The following GAD1 variants were observed in gnomAD, a reference collection of about 807,000 sequenced individuals.
GAD1 encodes the protein 67 kDa glutamic acid decarboxylase.
In GAD1, 35 loss-of-function variants were observed where a neutral mutation model predicts 75.2. The observed-to-expected ratio is 0.47, with a 90% CI of 0.36 to 0.62. The LOEUF (loss-of-function observed/expected upper bound fraction) is 0.62, where lower values mean the gene tolerates loss of function less well. GAD1 is among the 20% of genes least tolerant of loss of function. The probability of loss-of-function intolerance (pLI) is 0.00; values close to 1 mark genes in which losing one functional copy is unlikely to be tolerated. For synonymous variants in GAD1, 257 were observed against 271.9 expected (o/e 0.95, Z 0.54); for missense variants, 490 against 758.5 (o/e 0.65, Z 4.16).
rs184289119 is a variant in GAD1, at chr2:170,833,154, T to C, written c.547+1962T>C. On this transcript the variant is annotated intron_variant, in intron 5 of 16. Transcript: ENST00000358196. Reference sequence around the variant, plus strand: ...CTCATTCTTCCTCGTCATTTGAAGATAGATTTAAGACTGAGACTAGGAGGC... The same window carrying C: ...CTCATTCTTCCTCGTCATTTGAAGACAGATTTAAGACTGAGACTAGGAGGC... Among the ~76,000 whole-genome samples the C allele has an allele frequency of 2.0e-3, 305 of 152,366 alleles. 1 individual carries two copies. The highest frequency in any genetic ancestry group is 3.6e-3 in the Non-Finnish European group (247 of 68,032).
chr2:170,829,231 CG>C (rs1446783050), intron 3 of GAD1: 1 of 546,436 alleles, frequency 1.8e-6, no homozygotes, highest in Non-Finnish European at 3.3e-6. Context: ...GAGAGGAGAA[CG>C]GGCTTCACTT....
chr2:170,852,478 A>G, intron 12 of GAD1: 1 of 564,496 alleles, frequency 1.8e-6, no homozygotes, highest in South Asian at 2.0e-5. Flanking sequence ...AAGACATATA[A>G]TAAGTTATTC....
At chr2:170,829,089 T>G (rs1206462342) in intron 3 of GAD1, 1 of 337,380 alleles carries the variant, frequency 3.0e-6, no homozygotes. Context: ...CTCCTTCTGC[T>G]TATACAGCCC....
chr2:170,818,416 G>A lies in GAD1; in HGVS notation c.-63-113G>A, dbSNP rs1701770762. On this transcript the variant is annotated intron_variant, in intron 1 of 16. Transcript: ENST00000358196. This position sits in a 1 kb window ranked among gnomAD's most constrained non-coding sequence, Gnocchi z 5.9. ...AGGCTCGCTGCCTTTCCTCCCTCTT[G>A]TCTCTCCAGAGCCGGATCTTCAAGG... The A allele has an allele frequency of 1.5e-6, 1 of 667,602 alleles. No individual in the cohort carries two copies. The highest frequency in any genetic ancestry group is 2.7e-6 in the Non-Finnish European group (1 of 367,084). The allele number at this position is 667,602 out of a possible 1,614,324, so 41.4% of individuals were successfully genotyped here.
chr2:170,843,832 GC>G, intron 6 of GAD1: 1 of 563,226 alleles, frequency 1.8e-6, no homozygotes, highest in Admixed American at 3.0e-5. Flanking sequence ...CACAGGGCTG[GC>G]ACTTCCACCA....
At chr2:170,828,619 GCCCTCCTCCCTCTGCTGTCCTCA>G (rs1242690364) in intron 3 of GAD1, among the ~76,000 whole-genome samples, 15,779 of 82,988 alleles carry the variant, frequency 0.19, 1,222 homozygotes, top group Non-Finnish European at 0.23. Context: ...TGTTGTCCTT[GCCCTCCTCCCTCTGCTGTCCTCA>G]CCCTCCTCCC....
chr2:170,815,836 G>A (rs914820863), upstream of GAD1, among the ~76,000 whole-genome samples: 1 of 152,260 alleles, frequency 6.6e-6, no homozygotes, highest in Non-Finnish European at 1.5e-5. Flanking sequence ...CTCCAGGTGT[G>A]GGCTCCGCTC....
At chr2:170,816,399 C>T (rs1380625836), upstream of GAD1, 1 of 152,228 alleles carries the variant, frequency 6.6e-6, no homozygotes. Context: ...CGACCCAAAG[C>T]GCGCTTTCGC....
chr2:170,839,703 G>A (rs1010923357), intron 6 of GAD1, among the ~76,000 whole-genome samples: 5 of 151,818 alleles, frequency 3.3e-5, no homozygotes, highest in African/African-American at 9.7e-5. Context: ...CAACGACCCA[G>A]TGAAGATCCA....
chr2:170,835,363 C>T (rs759214662), intron 5 of GAD1, among the ~76,000 whole-genome samples: 1 of 152,086 alleles, frequency 6.6e-6, no homozygotes, highest in African/African-American at 2.4e-5. Context: ...AAAAATAATT[C>T]TTTCCTTCTC....
intron 14 of GAD1, among the ~76,000 whole-genome samples, chr2:170,856,176 A>G (rs920033705): frequency 6.6e-6 from 1 of 152,212 alleles, no homozygotes; most frequent in Non-Finnish European, 1.5e-5. Context: ...AGCAATCCAC[A>G]GCCAGCCTTG....
chr2:170,819,687 T>G (rs1701812146), intron 2 of GAD1, among the ~76,000 whole-genome samples: 1 of 151,394 alleles, frequency 6.6e-6, no homozygotes, highest in Non-Finnish European at 1.5e-5. Flanking sequence ...GTGTTCCCAC[T>G]CCCCCATTTA....
chr2:170,838,841 T>C (rs1157222756), intron 6 of GAD1, among the ~76,000 whole-genome samples: 1 of 152,238 alleles, frequency 6.6e-6, no homozygotes, highest in Non-Finnish European at 1.5e-5. Flanking sequence ...AAATGACATG[T>C]AGTAATTGCA....
intron 4 of GAD1, 87 bp from the exon 5 acceptor site, chr2:170,830,863 A>G: frequency 1.9e-6 from 3 of 1,545,524 alleles, no homozygotes; most frequent in Non-Finnish European, 2.7e-6. Context: ...GCCTATACAG[A>G]TAGCATGGTT....
At chr2:170,849,615 G>A (rs548425784) in intron 12 of GAD1, among the ~76,000 whole-genome samples, 15 of 152,344 alleles carry the variant, frequency 9.8e-5, no homozygotes, top group African/African-American at 3.1e-4. Context: ...TTAGGAGGCC[G>A]AGGTGAGAGG....
intron 5 of GAD1, among the ~76,000 whole-genome samples, chr2:170,834,050 C>T (rs1363209806): frequency 1.3e-5 from 2 of 151,854 alleles, no homozygotes; most frequent in African/African-American, 4.8e-5. Context: ...TTTCATTAGT[C>T]CAGTGTATGA....
intron 3 of GAD1, among the ~76,000 whole-genome samples, chr2:170,822,895 G>A (rs1179037300): frequency 6.6e-6 from 1 of 152,234 alleles, no homozygotes; most frequent in Non-Finnish European, 1.5e-5. Flanking sequence ...AAAGAACCGG[G>A]AAGGAAGAAA....
At position 170,845,626 on chromosome 2, in the gene GAD1, G is replaced by A; in HGVS notation, c.867+5G>A. On this transcript the variant is annotated splice_donor_5th_base_variant and intron_variant, in intron 8 of 16. Coordinates refer to ENST00000358196, the MANE Select transcript of GAD1 (RefSeq NM_000817.3). ...GTCCTCTTCACCTCAGAACAGGTGAGTCGGGGATGCTTTCTCATGGATAGT... is the reference window on the plus strand; with the variant it reads ...GTCCTCTTCACCTCAGAACAGGTGAATCGGGGATGCTTTCTCATGGATAGT... The A allele has an allele frequency of 6.2e-7, 1 of 1,612,798 alleles. No individual in the cohort carries two copies. The highest frequency in any genetic ancestry group is 8.5e-7 in the Non-Finnish European group (1 of 1,178,772).
Position 170,846,020 on chromosome 2 carries a change from T to C in GAD1, c.959T>C (p.Ile320Thr), listed in dbSNP as rs771879401. The C allele has an allele frequency of 6.2e-7, 1 of 1,613,620 alleles. No homozygotes were observed. Among genetic ancestry groups the C allele is most frequent in the South Asian group, 1.1e-5 (1 of 91,062 alleles). Residue 320 changes from isoleucine (I) to threonine (T), a missense_variant, in exon 10 of 17, where the codon ATT becomes ACT. Coordinates refer to ENST00000358196, the MANE Select transcript of GAD1 (RefSeq NM_000817.3). Reference protein sequence around the residue: ...LIKCNERGKIIPADFEAKILE... With the variant: ...LIKCNERGKITPADFEAKILE... The stretch of plus-strand genomic sequence containing the variant: ...TCCAATAATTATAGGGGGAAAATAA[T>C]TCCAGCTGATTTTGAGGCAAAAATT...
Sources: gnomAD v4.1 joint callset for allele counts (sites outside exome capture counted in the v4.1 genomes callset) on GRCh38, gnomAD v4.1.1 for gene constraint, Gnocchi (gnomAD v3.1) non-coding constraint, MANE v1.5 for transcripts, NCBI Gene and HGNC (gene_info 2026-07-23, HGNC 2026-07-21) for gene names.